The following BLZF1 variants were observed in gnomAD, a reference collection of about 807,000 sequenced individuals.
The protein encoded by BLZF1 is basic leucine zipper nuclear factor 1, also known as golgin-45.
In BLZF1, 39 loss-of-function variants were observed where a neutral mutation model predicts 43.8. The ratio of observed to expected loss-of-function variants is 0.89; its 90% CI spans 0.69 to 1.16. The LOEUF is 1.16. Ranked by LOEUF, BLZF1 falls within the 50% of genes most tolerant of loss-of-function variation. BLZF1 has a pLI of 0.00. For missense variants in BLZF1, 449 were observed against 469.8 expected, an observed-to-expected ratio of 0.96 and a Z score of 0.41; for synonymous variants, 136 against 159.4, an observed-to-expected ratio of 0.85 and a Z score of 1.11.
chr1:169,395,267 T>TA (rs1654951952), intron 7 of BLZF1: 2 of 1,403,868 alleles, frequency 1.4e-6, no homozygotes. Flanking sequence ...CTTCATGCTA[T>TA]AAAGTTACTA....
chr1:169,376,041 G>A (rs1373208919), intron 2 of BLZF1, among the ~76,000 whole-genome samples: 3 of 151,898 alleles, frequency 2.0e-5, no homozygotes, highest in South Asian at 2.1e-4. Context: ...TAAATTTTTC[G>A]GTGTAACATA....
rs185205101 is a variant in BLZF1, at chr1:169,381,070, C to G, written c.797+461C>G. Among the ~76,000 whole-genome samples, 98 of 151,868 alleles carry G rather than the reference C, an allele frequency of 6.5e-4. No homozygotes were observed. In the East Asian group the frequency reaches 0.015, roughly 23 times the overall value. ...ATTTTTATATAGTTGATTTATTACACGTAGAATCAGTAAGTGTCAAAGAGC... is the reference window on the plus strand; with the variant it reads ...ATTTTTATATAGTTGATTTATTACAGGTAGAATCAGTAAGTGTCAAAGAGC... On this transcript the variant is annotated intron_variant, in intron 5 of 6. Transcript: ENST00000367808.
chr1:169,370,966 G>T (rs1267445784), intron 2 of BLZF1, among the ~76,000 whole-genome samples: 2 of 152,122 alleles, frequency 1.3e-5, no homozygotes, highest in Non-Finnish European at 2.9e-5. Context: ...GTTGAGTTCT[G>T]CATGCTAGAA....
At position 169,376,633 on chromosome 1, in the gene BLZF1, C is replaced by T; in HGVS notation, c.122C>T (p.Ser41Phe). 6.2e-7 allele frequency: 1 copy of T among 1,613,218 alleles called. No homozygotes were observed. Among genetic ancestry groups the T allele is most frequent in the Non-Finnish European group, 8.5e-7 (1 of 1,179,512 alleles). The change falls in exon 3 of 7, where the codon TCT becomes TTT. Residue 41 changes from serine to phenylalanine, a missense_variant. Transcript: ENST00000367808. ...GTTGAAGTTACCTCCGGAGTCCAAT[C>T]TAGAAAGCATCATAGTCTTCAGAGT... Reference protein sequence around the residue: ...KSVEVTSGVQSRKHHSLQSPW... With the variant: ...KSVEVTSGVQFRKHHSLQSPW...
rs1654213955 is a variant in BLZF1 at position 169,374,096 on chromosome 1, T to A, written c.29-2444T>A. 2.6e-5 allele frequency among the ~76,000 whole-genome samples: 4 copies of A among 151,796 alleles called. No homozygotes were observed. The South Asian group carries it at 8.3e-4, about 31-fold the overall frequency. On this transcript the variant is annotated intron_variant, in intron 2 of 6. Coordinates refer to ENST00000367808, the MANE Select transcript of BLZF1 (RefSeq NM_001320973.2). ...TAAGAATACAGGTAGCTGGGTGTGA[T>A]GGCTCACATCTGTAATCCAAGCACT...
intron 7 of BLZF1, chr1:169,395,090 A>T: frequency 6.2e-7 from 1 of 1,612,200 alleles, no homozygotes. Flanking sequence ...GGCTTCTGAC[A>T]TATATAGGTG....
chr1:169,375,369 CATATAAAACATATAT>C (rs1260518755), intron 2 of BLZF1, among the ~76,000 whole-genome samples: 4 of 102,418 alleles, frequency 3.9e-5, no homozygotes, highest in Non-Finnish European at 6.1e-5. Flanking sequence ...AACATATATA[CATATAAAACATATAT>C]ATATAAAACA....
intron 2 of BLZF1, among the ~76,000 whole-genome samples, chr1:169,371,882 G>T (rs765679064): frequency 6.6e-6 from 1 of 152,200 alleles, no homozygotes; most frequent in Non-Finnish European, 1.5e-5. Context: ...CACTAGTTCT[G>T]TAGAATAATA....
intron 6 of BLZF1, among the ~76,000 whole-genome samples, chr1:169,383,283 AG>A (rs1053246768): frequency 6.6e-6 from 1 of 152,202 alleles, no homozygotes; most frequent in Non-Finnish European, 1.5e-5. Context: ...TTTCTCTCAG[AG>A]GAAAAGGTGT....
At chr1:169,375,799 C>CAT (rs143041398) in intron 2 of BLZF1, among the ~76,000 whole-genome samples, 3,037 of 148,904 alleles carry the variant, frequency 0.02, 40 homozygotes, top group Admixed American at 0.024. Context: ...AACATATATA[C>CAT]ATATATATAT....
chr1:169,393,119 T>C (rs185888341), downstream of BLZF1, among the ~76,000 whole-genome samples: 500 of 152,202 alleles, frequency 3.3e-3, 3 homozygotes, highest in Middle Eastern at 0.01. Context: ...AGCGTCAGAA[T>C]TGAATTGTAG....
intron 6 of BLZF1, among the ~76,000 whole-genome samples, chr1:169,382,655 C>T (rs1372014831): frequency 6.6e-6 from 1 of 152,112 alleles, no homozygotes; most frequent in Non-Finnish European, 1.5e-5. Flanking sequence ...TTAATTTCCA[C>T]ATATAGATGG....
At chr1:169,381,295 A>G (rs1185232944) in intron 5 of BLZF1, among the ~76,000 whole-genome samples, 1 of 152,256 alleles carries the variant, frequency 6.6e-6, no homozygotes, top group Non-Finnish European at 1.5e-5. Context: ...GATGAAATGG[A>G]CAAACTCCAT....
At chr1:169,394,651 A>C (rs1468508903) in intron 7 of BLZF1, among the ~76,000 whole-genome samples, 1 of 152,212 alleles carries the variant, frequency 6.6e-6, no homozygotes, top group Non-Finnish European at 1.5e-5. Flanking sequence ...CATAAATAGG[A>C]CTTTAAGGCC....
At position 169,378,349 on chromosome 1, in the gene BLZF1, AG is replaced by A. The variant is rs751347920; in HGVS notation, c.489del (p.Lys163AsnfsTer18). 20 of 1,612,578 alleles carry A rather than the reference AG, an allele frequency of 1.2e-5. No homozygotes were observed. Among genetic ancestry groups the A allele is most frequent in the Non-Finnish European group, 1.7e-5 (20 of 1,178,970 alleles). On this transcript the variant is annotated frameshift_variant, in exon 4 of 7. Coordinates refer to ENST00000367808, the MANE Select transcript of BLZF1 (RefSeq NM_001320973.2). LOFTEE classifies it high-confidence loss of function. ...VQTEVNRELK[K>X]LLVASVGDDL... ...TTCTAGGTAAATCGTGAGTTAAAAA[AG>A]TTACTGGTGGCTTCTGTTGGGGATG...
chr1:169,383,848 A>C (rs896931766), intron 6 of BLZF1, among the ~76,000 whole-genome samples: 3 of 152,008 alleles, frequency 2.0e-5, no homozygotes, highest in Non-Finnish European at 4.4e-5. Context: ...CATTGTTTCT[A>C]AGTTTTTGAG....
chr1:169,374,723 A>G (rs778563479), intron 2 of BLZF1, among the ~76,000 whole-genome samples: 26 of 152,188 alleles, frequency 1.7e-4, no homozygotes, highest in Non-Finnish European at 2.1e-4. Context: ...TAAGATTTAC[A>G]TAACAGAATG....
chr1:169,369,005 A>G (rs1302069410), intron 1 of BLZF1, among the ~76,000 whole-genome samples: 1 of 152,210 alleles, frequency 6.6e-6, no homozygotes, highest in African/African-American at 2.4e-5. Flanking sequence ...TATTACCAAA[A>G]AAGTATAAAT....
At chr1:169,386,565 G>C (rs1012667129) in intron 6 of BLZF1, among the ~76,000 whole-genome samples, 2 of 151,500 alleles carry the variant, frequency 1.3e-5, no homozygotes, top group Admixed American at 6.6e-5. Flanking sequence ...TATAGTCCCA[G>C]CTACTCGGGA....
Sources: allele counts gnomAD v4.1 joint callset (sites outside exome capture counted in the v4.1 genomes callset), GRCh38; gene constraint gnomAD v4.1.1; transcripts MANE v1.5; gene names NCBI Gene and HGNC (gene_info 2026-07-23, HGNC 2026-07-21).